AGO1: variants seen among roughly 807,000 people sequenced by gnomAD.
AGO1 encodes the protein protein argonaute-1.
AGO1 carries 11 observed loss-of-function variants against 109.2 expected under a neutral mutation model. The ratio of observed to expected loss-of-function variants is 0.10; its 90% CI spans 0.06 to 0.17. The LOEUF (loss-of-function observed/expected upper bound fraction) is 0.17, where lower values mean the gene tolerates loss of function less well. AGO1 is among the 10% of genes least tolerant of loss of function. The pLI is 1.00. For missense variants in AGO1, 574 were observed against 1,140.3 expected (o/e 0.50, Z 7.15); for synonymous variants, 422 against 418.6 (o/e 1.01, Z -0.10).
rs1291110926 is a variant in AGO1, at chr1:35,927,306, A to G, written c.*7699A>G. On this transcript the variant is annotated 3_prime_UTR_variant, in exon 19 of 19. Coordinates refer to ENST00000373204, the MANE Select transcript of AGO1 (RefSeq NM_012199.5). ...AAGAAAACTATCATTTCATATGACA[A>G]GAAATCCTAATTTAATGTTACTCCA... 2 of 152,184 alleles carry G rather than the reference A, an allele frequency of 1.3e-5. No individual in the cohort carries two copies. The highest frequency in any genetic ancestry group is 2.9e-5 in the Non-Finnish European group (2 of 68,034). The allele number at this position is 152,184 out of a possible 1,614,324, so 9.4% of individuals were successfully genotyped here. A position where few individuals can be genotyped will look rare whatever the true frequency, so the allele number is the denominator to read the frequency against.
Position 35,919,375 on chromosome 1 carries a change from C to A in AGO1, c.2465+121C>A. ...AATTTGGTGTCATTGGGCTCGTCTG[C>A]CCAATCCTGGGTTGGGTTTCTCTCT... On this transcript the variant is annotated intron_variant, in intron 18 of 18. Coordinates refer to ENST00000373204, the MANE Select transcript of AGO1 (RefSeq NM_012199.5). The surrounding 1 kb of genome is among the most constrained non-coding windows in gnomAD (Gnocchi z 6.6). 6.8e-7 allele frequency: 1 copy of A among 1,460,030 alleles called. No homozygotes were observed. The highest frequency in any genetic ancestry group is 9.3e-7 in the Non-Finnish European group (1 of 1,071,624). The allele number at this position is 1,460,030 out of a possible 1,614,324, so 90.4% of individuals were successfully genotyped here.
chr1:35,894,449 C>A, intron 7 of AGO1, 47 bp downstream of exon 7: 1 of 1,581,048 alleles, frequency 6.3e-7, no homozygotes, highest in Non-Finnish European at 8.7e-7. Flanking sequence ...TGGAGAAGGG[C>A]TGAGATTTAA....
chr1:35,874,893 C>T (rs1488105557), intron 1 of AGO1, among the ~76,000 whole-genome samples: 1 of 152,168 alleles, frequency 6.6e-6, no homozygotes, highest in Non-Finnish European at 1.5e-5. Flanking sequence ...TCCCTTAAGC[C>T]AAAGCCTAAT....
chr1:35,903,741 G>T (rs1415481255), intron 11 of AGO1, among the ~76,000 whole-genome samples: 1 of 151,772 alleles, frequency 6.6e-6, no homozygotes, highest in African/African-American at 2.4e-5. Context: ...GAGGCGGGCG[G>T]ATCACAAGGT....
Position 35,929,638 on chromosome 1 carries a change from A to C in AGO1, c.*10031A>C, listed in dbSNP as rs568710793. On this transcript the variant is annotated 3_prime_UTR_variant, in exon 19 of 19. Coordinates refer to ENST00000373204, the MANE Select transcript of AGO1 (RefSeq NM_012199.5). The stretch of plus-strand genomic sequence containing the variant: ...GTTTCATCTGGTGACATTTAATTTG[A>C]TATTTTAAAATTGGGGAGGGTATTT... 7 of 152,306 alleles carry C rather than the reference A, an allele frequency of 4.6e-5. No individual in the cohort carries two copies. The highest frequency in any genetic ancestry group is 1.7e-4 in the African/African-American group (7 of 41,564). 9.4% of individuals were successfully genotyped at this position (152,306 alleles called of 1,614,324 possible).
At chr1:35,904,023 T>C (rs1050885303) in intron 11 of AGO1, among the ~76,000 whole-genome samples, 2 of 150,826 alleles carry the variant, frequency 1.3e-5, no homozygotes, top group Non-Finnish European at 3.0e-5. Flanking sequence ...CTGCCCTTGC[T>C]CTTCTTCCCT....
Position 35,906,967 on chromosome 1 carries a change from A to G in AGO1, c.1430A>G (p.Lys477Arg). The change falls in exon 12 of 19, where the codon AAG (lysine) becomes AGG (arginine). Residue 477 changes from lysine (K) to arginine (R), a missense_variant. By Grantham distance (26) the Lys-to-Arg change is conservative. This residue lies in a region of AGO1 where 106 missense variants were observed against 147.8 expected (regional missense o/e 0.72). Transcript: ENST00000373204. ...ACAGACCAGCTGCGGAAGATTTCCA[A>G]GGATGCGGGGATGCCTATCCAGGGT... ...NFTDQLRKIS[K>R]DAGMPIQGQP... The G allele has an allele frequency of 6.2e-7, 1 of 1,613,936 alleles. No individual in the cohort carries two copies. Among genetic ancestry groups the G allele is most frequent in the African/African-American group, 1.3e-5 (1 of 75,050 alleles).
In AGO1 at chr1:35,907,067, C is replaced by T. The variant is rs754799646; in HGVS notation, c.1530C>T (p.Tyr510=). The change falls in exon 12 of 19, where the codon TAC becomes TAT. Residue 510 remains tyrosine, a synonymous_variant. Transcript: ENST00000373204. ...TGTTCCGGCATCTCAAGAACACCTA[C>T]TCAGGGCTGCAGCTCATTATTGTCA... is the stretch of plus-strand genomic sequence containing the variant. ...EPMFRHLKNT[Y]SGLQLIIVIL... 6.2e-6 allele frequency: 10 copies of T among 1,613,956 alleles called. No individual in the cohort carries two copies. In the Admixed American group the frequency reaches 1.3e-4, roughly 22 times the overall value.
At chr1:35,883,195 G>A (rs1179379291), upstream of AGO1, 27 of 1,172,842 alleles carry the variant, frequency 2.3e-5, no homozygotes, top group East Asian at 1.1e-3. The surrounding 1 kb of genome is among the most constrained non-coding windows in gnomAD (Gnocchi z 5.4). Flanking sequence ...TGGGCCCGGC[G>A]GTCGCGCCTG....
intron 11 of AGO1, among the ~76,000 whole-genome samples, chr1:35,903,699 T>C (rs1043436622): frequency 5.9e-5 from 9 of 151,388 alleles, no homozygotes; most frequent in African/African-American, 2.2e-4. Context: ...GCATGGTGGC[T>C]CCTGCCTGTA....
chr1:35,884,904 T>C (rs1331164737), intron 1 of AGO1, among the ~76,000 whole-genome samples: 2 of 152,150 alleles, frequency 1.3e-5, no homozygotes, highest in African/African-American at 4.8e-5. Flanking sequence ...TTACATTTGG[T>C]CTGGGGATGG....
intron 12 of AGO1, 90 bp downstream of exon 12, chr1:35,907,209 C>A: frequency 7.8e-7 from 1 of 1,286,302 alleles, no homozygotes; most frequent in Non-Finnish European, 1.0e-6. Context: ...AGTCTGGATT[C>A]TTGGCTTTGA....
In AGO1 at chr1:35,893,585, C is replaced by A; in HGVS notation, c.513-89C>A. ...TGGCATTAAAGCCCCGGTGTCCTGC[C>A]TTTCAGGCCAGGGCTCCTCCGTGCC... On this transcript the variant is annotated intron_variant, in intron 4 of 18. Coordinates refer to ENST00000373204, the MANE Select transcript of AGO1 (RefSeq NM_012199.5). The surrounding 1 kb of genome is among the most constrained non-coding windows in gnomAD (Gnocchi z 5.6). 7.2e-7 allele frequency: 1 copy of A among 1,397,090 alleles called. No individual in the cohort carries two copies. Among genetic ancestry groups the A allele is most frequent in the South Asian group, 1.4e-5 (1 of 71,604 alleles). 86.5% of individuals were successfully genotyped at this position (1,397,090 alleles called of 1,614,324 possible). A position where few individuals can be genotyped will look rare whatever the true frequency, so the allele number is the denominator to read the frequency against.
At chr1:35,884,695 T>G (rs1201466722) in intron 1 of AGO1, among the ~76,000 whole-genome samples, 1 of 152,122 alleles carries the variant, frequency 6.6e-6, no homozygotes, top group Admixed American at 6.5e-5. Context: ...GGTGATAGCC[T>G]TAACTTCTTA....
Position 35,912,255 on chromosome 1 carries a change from A to C in AGO1, c.1583-1587A>C, listed in dbSNP as rs1173281580. On this transcript the variant is annotated intron_variant, in intron 12 of 18. Coordinates refer to ENST00000373204, the MANE Select transcript of AGO1 (RefSeq NM_012199.5). ...GCACCTGTAGTCCCAGCTACTCAGG[A>C]GGCTGAGGCAGGAGAATGGTGTGAA... 2.0e-5 allele frequency among the ~76,000 whole-genome samples: 3 copies of C among 148,050 alleles called. No individual in the cohort carries two copies. In the East Asian group the frequency reaches 6.4e-4, roughly 32 times the overall value.
intron 16 of AGO1, among the ~76,000 whole-genome samples, chr1:35,918,081 TTATTATCTC>T (rs1453242151): frequency 6.6e-6 from 1 of 152,206 alleles, no homozygotes; most frequent in Non-Finnish European, 1.5e-5. Context: ...GTACGTATTA[TTATTATCTC>T]CAATTTAACC....
chr1:35,883,198 C>G, upstream of AGO1: 1 of 1,176,038 alleles, frequency 8.5e-7, no homozygotes, highest in Non-Finnish European at 1.1e-6. This position sits in a 1 kb window ranked among gnomAD's most constrained non-coding sequence, Gnocchi z 5.4. Flanking sequence ...GCCCGGCGGT[C>G]GCGCCTGCGC....
rs1307134258 is a variant in AGO1, at chr1:35,917,608, C to T, written c.2044C>T (p.Leu682=). Residue 682 remains leucine (L), a synonymous_variant, in exon 16 of 19, where the codon CTA becomes TTA. Transcript: ENST00000373204. ...TTGTGCCTAGATACTCCACTATGAG[C>T]TACTGGCCATTCGTGATGCCTGCAT... The part of the protein sequence containing the change: ...GQLPQILHYE[L]LAIRDACIKL... 6.2e-7 allele frequency: 1 copy of T among 1,613,334 alleles called. No homozygotes were observed. Among genetic ancestry groups the T allele is most frequent in the East Asian group, 2.2e-5 (1 of 44,874 alleles).
intron 1 of AGO1, among the ~76,000 whole-genome samples, chr1:35,870,325 C>A (rs1259663557): frequency 6.6e-6 from 1 of 151,954 alleles, no homozygotes; most frequent in Non-Finnish European, 1.5e-5. Context: ...ACTCTGTCGC[C>A]CAGGCTGGGG....
Sources: gnomAD v4.1 joint callset for allele counts (sites outside exome capture counted in the v4.1 genomes callset) on GRCh38, gnomAD v4.1.1 for gene constraint, gnomAD v4.1.1 regional missense constraint, Gnocchi (gnomAD v3.1) non-coding constraint, MANE v1.5 for transcripts, NCBI Gene and HGNC (gene_info 2026-07-23, HGNC 2026-07-21) for gene names.